The following SHISA9 variants were observed in gnomAD, a reference collection of about 807,000 sequenced individuals.
SHISA9 encodes the protein shisa family member 9, also known as protein shisa-9.
In SHISA9, 13 loss-of-function variants were observed where a neutral mutation model predicts 38.0. The ratio of observed to expected loss-of-function variants is 0.34; its 90% CI spans 0.22 to 0.54. The LOEUF is 0.54. Among genes scored for constraint, SHISA9 ranks in the 20% least tolerant of loss-of-function variants. The pLI is 0.91. For synonymous variants in SHISA9, 275 were observed against 242.0 expected (o/e 1.14, Z -1.27); for missense variants, 538 against 575.8 (o/e 0.93, Z 0.67).
the SHISA9 span, among the ~76,000 whole-genome samples, chr16:13,293,383 A>G: frequency 1.3e-5 from 2 of 152,176 alleles, no homozygotes; most frequent in Non-Finnish European, 2.9e-5. Context: ...TACCATCTGC[A>G]AAGCTCTTAA....
the SHISA9 span, among the ~76,000 whole-genome samples, chr16:13,265,444 C>G: frequency 2.5e-5 from 3 of 122,194 alleles, no homozygotes; most frequent in Non-Finnish European, 5.2e-5. Flanking sequence ...CTTCCCTTCT[C>G]TTTCTCTCCC....
chr16:13,194,981 C>G (rs994417198), intron 2 of SHISA9, among the ~76,000 whole-genome samples: 1 of 152,156 alleles, frequency 6.6e-6, no homozygotes, highest in East Asian at 1.9e-4. Context: ...TTGGAGACAT[C>G]AGGATGACTT....
At chr16:13,392,203 C>A in the SHISA9 span, among the ~76,000 whole-genome samples, 1 of 152,164 alleles carries the variant, frequency 6.6e-6, no homozygotes, top group Non-Finnish European at 1.5e-5. Flanking sequence ...GAAGTCTTAA[C>A]TCCCAGTGCC....
intron 2 of SHISA9, among the ~76,000 whole-genome samples, chr16:12,995,201 C>T (rs1383804670): frequency 7.2e-5 from 11 of 152,044 alleles, no homozygotes; most frequent in African/African-American, 2.4e-4. Flanking sequence ...AATCCATCCC[C>T]GCAAGCATTT....
At chr16:12,919,861 G>A (rs901630203) in intron 2 of SHISA9, among the ~76,000 whole-genome samples, 4 of 152,210 alleles carry the variant, frequency 2.6e-5, no homozygotes, top group Non-Finnish European at 4.4e-5. Flanking sequence ...TTGATTAACA[G>A]GATGTAGTTT....
At chr16:12,912,348 G>T (rs1296793402) in intron 1 of SHISA9, among the ~76,000 whole-genome samples, 1 of 152,132 alleles carries the variant, frequency 6.6e-6, no homozygotes. Flanking sequence ...AAGCCCAGGG[G>T]ATCTGCGGAT....
At chr16:13,095,275 A>C (rs376400300) in intron 2 of SHISA9, among the ~76,000 whole-genome samples, 5 of 152,226 alleles carry the variant, frequency 3.3e-5, no homozygotes, top group Admixed American at 1.3e-4. Flanking sequence ...TCAGTCTAGC[A>C]ATCTGCTTTT....
chr16:13,301,394 G>T, the SHISA9 span, among the ~76,000 whole-genome samples: 2 of 152,184 alleles, frequency 1.3e-5, no homozygotes, highest in African/African-American at 4.8e-5. Context: ...ATTTTGAATA[G>T]GCCCCCACAT....
At chr16:13,397,544 C>CT in the SHISA9 span, among the ~76,000 whole-genome samples, 1 of 152,194 alleles carries the variant, frequency 6.6e-6, no homozygotes. Context: ...AAGCGATTCT[C>CT]CTGCCTCAGC....
At chr16:13,070,802 C>T (rs1034884402) in intron 2 of SHISA9, among the ~76,000 whole-genome samples, 5 of 152,106 alleles carry the variant, frequency 3.3e-5, no homozygotes, top group Non-Finnish European at 5.9e-5. Flanking sequence ...TGGCTGAGGT[C>T]ATACAGTGGC....
chr16:13,285,509 C>G, the SHISA9 span, among the ~76,000 whole-genome samples: 1 of 136,224 alleles, frequency 7.3e-6, no homozygotes, highest in African/African-American at 2.8e-5. Flanking sequence ...GCAGATGAGG[C>G]CGAGTGAGAT....
At chr16:13,481,244 A>G in the SHISA9 span, among the ~76,000 whole-genome samples, 1 of 152,246 alleles carries the variant, frequency 6.6e-6, no homozygotes, top group African/African-American at 2.4e-5. Flanking sequence ...TACATGATTT[A>G]GAATTTTCAT....
At position 13,091,983 on chromosome 16, in the gene SHISA9, T is replaced by G. The variant is rs2073779685; in HGVS notation, c.692-111411T>G. On this transcript the variant is annotated intron_variant, in intron 2 of 4. Coordinates refer to ENST00000558583, the MANE Select transcript of SHISA9 (RefSeq NM_001145204.3). Reference sequence around the variant, plus strand: ...GATGTTGGTGACCTACAGATGGGGTTCTGGTGTAGATGACCTTTTTGTTGA... The same window carrying G: ...GATGTTGGTGACCTACAGATGGGGTGCTGGTGTAGATGACCTTTTTGTTGA... 2.6e-5 allele frequency among the ~76,000 whole-genome samples: 4 copies of G among 152,354 alleles called. No homozygotes were observed. In the South Asian group the frequency reaches 8.3e-4, roughly 32 times the overall value.
chr16:13,073,874 G>A (rs908547291), intron 2 of SHISA9, among the ~76,000 whole-genome samples: 14 of 152,010 alleles, frequency 9.2e-5, no homozygotes, highest in East Asian at 1.9e-4. Flanking sequence ...CTCCTGCAGC[G>A]CGTCCAGAAG....
At chr16:12,955,539 G>A (rs2071819222) in intron 2 of SHISA9, among the ~76,000 whole-genome samples, 1 of 151,388 alleles carries the variant, frequency 6.6e-6, no homozygotes, top group Non-Finnish European at 1.5e-5. Flanking sequence ...TGTGAGCATG[G>A]TACTGGTACA....
chr16:13,278,612 A>G, the SHISA9 span, among the ~76,000 whole-genome samples: 1 of 151,988 alleles, frequency 6.6e-6, no homozygotes, highest in African/African-American at 2.4e-5. Flanking sequence ...TGGTCTGTTC[A>G]GGGTATCTAA....
At chr16:13,471,575 A>G in the SHISA9 span, among the ~76,000 whole-genome samples, 2 of 152,180 alleles carry the variant, frequency 1.3e-5, no homozygotes, top group Non-Finnish European at 2.9e-5. Flanking sequence ...TGCAGTGACA[A>G]CCTTGGAATG....
intron 2 of SHISA9, among the ~76,000 whole-genome samples, chr16:13,026,025 G>A (rs1023868407): frequency 1.3e-5 from 2 of 151,982 alleles, no homozygotes; most frequent in South Asian, 2.1e-4. Flanking sequence ...GGCTGGTCTC[G>A]AACTCCCGAC....
intron 4 of SHISA9, among the ~76,000 whole-genome samples, chr16:13,225,202 A>G (rs78313985): frequency 0.042 from 6,381 of 152,286 alleles, 144 homozygotes; most frequent in East Asian, 0.073. Context: ...GATTGCCAGC[A>G]ACCACCAGAA....
Sources: gnomAD v4.1 joint callset for allele counts (sites outside exome capture counted in the v4.1 genomes callset) on GRCh38, gnomAD v4.1.1 for gene constraint, MANE v1.5 for transcripts, NCBI Gene and HGNC (gene_info 2026-07-23, HGNC 2026-07-21) for gene names.